Variants in TNRC6C observed in about 807,000 individuals in gnomAD.
The protein encoded by TNRC6C is trinucleotide repeat containing adaptor 6C, also known as trinucleotide repeat-containing gene 6C protein.
Under a neutral mutation model 153.7 loss-of-function variants are expected in TNRC6C, and 20 were observed. The observed-to-expected ratio is 0.13, with a 90% CI of 0.09 to 0.19. The LOEUF is 0.19. TNRC6C is among the 10% of genes least tolerant of loss of function. TNRC6C has a pLI of 1.00. For synonymous variants in TNRC6C, 811 were observed against 841.4 expected, an observed-to-expected ratio of 0.96 and a Z score of 0.63; for missense variants, 1,987 against 2,172.0, an observed-to-expected ratio of 0.91 and a Z score of 1.69.
upstream of TNRC6C, among the ~76,000 whole-genome samples, chr17:77,958,450 A>C (rs951494513): frequency 2.7e-4 from 41 of 151,602 alleles, no homozygotes; most frequent in Non-Finnish European, 4.9e-4. Flanking sequence ...GGTGCAGGGA[A>C]CCACAGCGCG....
At chr17:78,012,721 T>G (rs2071658167) in intron 1 of TNRC6C, among the ~76,000 whole-genome samples, 2 of 152,050 alleles carry the variant, frequency 1.3e-5, no homozygotes, top group Admixed American at 1.3e-4. Context: ...CTAAGGAAAG[T>G]ACAAAAAAGA....
intron 1 of TNRC6C, among the ~76,000 whole-genome samples, chr17:77,969,309 G>A (rs1256461248): frequency 6.6e-6 from 1 of 151,898 alleles, no homozygotes; most frequent in Non-Finnish European, 1.5e-5. Flanking sequence ...GAGTGCAGTG[G>A]CGCAATCTCG....
exon 14 of TNRC6C, chr17:78,091,519 G>C (rs761022330): frequency 2.5e-6 from 4 of 1,609,556 alleles, no homozygotes. Context: ...CCCAGTCCCA[G>C]TCACGCCTCC....
chr17:77,958,147 G>A (rs969584755), upstream of TNRC6C, among the ~76,000 whole-genome samples: 1 of 151,856 alleles, frequency 6.6e-6, no homozygotes, highest in Non-Finnish European at 1.5e-5. Context: ...CGGGCGAGAC[G>A]CGCGCCGGTG....
At chr17:78,014,091 G>T (rs2071685626) in intron 1 of TNRC6C, among the ~76,000 whole-genome samples, 1 of 152,162 alleles carries the variant, frequency 6.6e-6, no homozygotes, top group Non-Finnish European at 1.5e-5. Flanking sequence ...AAATACCTAA[G>T]ATTACTGCTA....
At chr17:78,009,619 A>G (rs2071587264) in intron 1 of TNRC6C, among the ~76,000 whole-genome samples, 2 of 151,960 alleles carry the variant, frequency 1.3e-5, no homozygotes, top group African/African-American at 2.4e-5. Flanking sequence ...CAGTGGTGCA[A>G]TCTCGGCTCA....
intron 1 of TNRC6C, among the ~76,000 whole-genome samples, chr17:77,995,504 A>T (rs7222385): frequency 0.012 from 1,795 of 152,330 alleles, 32 homozygotes; most frequent in African/African-American, 0.041. Flanking sequence ...AGAGGCAATA[A>T]ATCCCCACCT....
chr17:78,078,300 A>T (rs2073119170), intron 9 of TNRC6C, among the ~76,000 whole-genome samples: 1 of 152,216 alleles, frequency 6.6e-6, no homozygotes, highest in African/African-American at 2.4e-5. Flanking sequence ...AGTGCCTCTC[A>T]GGCGGCTGTT....
chr17:78,089,922 C>T (rs1276954079), intron 13 of TNRC6C, among the ~76,000 whole-genome samples: 1 of 152,154 alleles, frequency 6.6e-6, no homozygotes, highest in Non-Finnish European at 1.5e-5. Context: ...CTGACTTTCC[C>T]AGAGGGGAAA....
chr17:78,027,175 A>G (rs2071958138), intron 1 of TNRC6C, among the ~76,000 whole-genome samples: 1 of 152,150 alleles, frequency 6.6e-6, no homozygotes, highest in Middle Eastern at 3.2e-3. Context: ...GGGTCAAAAG[A>G]TAACAGGGCC....
chr17:77,999,585 T>G (rs2071380630), upstream of TNRC6C, among the ~76,000 whole-genome samples: 1 of 152,212 alleles, frequency 6.6e-6, no homozygotes, highest in Admixed American at 6.5e-5. Flanking sequence ...CTGGTTTAGT[T>G]TGCTATGCTG....
intron 11 of TNRC6C, among the ~76,000 whole-genome samples, chr17:78,084,005 C>T (rs2311439): frequency 0.081 from 12,291 of 152,028 alleles, 577 homozygotes; most frequent in East Asian, 0.18. Flanking sequence ...AGGAATCGGC[C>T]GGGCACGGTG....
chr17:78,039,570 G>A (rs893939187), intron 2 of TNRC6C, among the ~76,000 whole-genome samples: 1 of 152,236 alleles, frequency 6.6e-6, no homozygotes. Context: ...AACCAATTTT[G>A]TAATGGGCTG....
At chr17:77,985,437 CAA>C (rs764100636) in intron 1 of TNRC6C, among the ~76,000 whole-genome samples, 13 of 128,068 alleles carry the variant, frequency 1.0e-4, no homozygotes, top group Non-Finnish European at 8.5e-5. Flanking sequence ...ACTAAAAATA[CAA>C]AAAAAAAAAA....
At chr17:78,048,906 T>C (rs1392199270) in exon 3 of TNRC6C, 1 of 1,267,210 alleles carries the variant, frequency 7.9e-7, no homozygotes, top group Non-Finnish European at 9.9e-7. Context: ...AGCAGCCTAC[T>C]TACAGAAGCG....
chr17:78,053,720 T>C (rs1285057540), intron 3 of TNRC6C, among the ~76,000 whole-genome samples: 2 of 151,828 alleles, frequency 1.3e-5, no homozygotes, highest in African/African-American at 2.4e-5. Context: ...TTTAATAGAG[T>C]TTAATTAGCA....
chr17:78,090,207 A>G (rs1329192918), intron 13 of TNRC6C, among the ~76,000 whole-genome samples: 3 of 152,210 alleles, frequency 2.0e-5, no homozygotes, highest in Non-Finnish European at 4.4e-5. Context: ...GGCTTCTCTT[A>G]AAAATGGCTA....
At chr17:78,077,028 T>C in intron 8 of TNRC6C, 157 bp from the exon 11 acceptor site, 1 of 775,750 alleles carries the variant, frequency 1.3e-6, no homozygotes, top group Non-Finnish European at 2.0e-6. Context: ...CTTTTTCCCC[T>C]CTTCCTTTTG....
chr17:78,062,580 C>T lies in TNRC6C; in HGVS notation c.2396-2142C>T, dbSNP rs144490987. ...GCAAAATGTATCTATATGAAAATTA[C>T]AACTGATACAAGCTGTCAACATATC... On this transcript the variant is annotated intron_variant, in intron 3 of 19. Transcript: ENST00000301624. Among the ~76,000 whole-genome samples the T allele has an allele frequency of 2.8e-3, 429 of 152,294 alleles. 4 individuals are homozygous for T. The highest frequency in any genetic ancestry group is 0.01 in the African/African-American group (416 of 41,562).
Sources: allele counts gnomAD v4.1 joint callset (sites outside exome capture counted in the v4.1 genomes callset), GRCh38; gene constraint gnomAD v4.1.1; transcripts MANE v1.5; gene names NCBI Gene and HGNC (gene_info 2026-07-23, HGNC 2026-07-21).